The following NAV2 variants were observed in gnomAD, a reference collection of about 807,000 sequenced individuals.
NAV2 encodes helicase, APC down-regulated 1.
In NAV2, 54 loss-of-function variants were observed where a neutral mutation model predicts 223.2. That is an observed-to-expected ratio of 0.24 (90% CI 0.19 to 0.30). The LOEUF (loss-of-function observed/expected upper bound fraction) is 0.30. Among genes scored for constraint, NAV2 ranks in the 10% least tolerant of loss-of-function variants. The pLI is 1.00. For synonymous variants in NAV2, 1,279 were observed against 1,239.3 expected, an observed-to-expected ratio of 1.03 and a Z score of -0.67; for missense variants, 2,806 against 3,147.5, an observed-to-expected ratio of 0.89 and a Z score of 2.60.
chr11:20,090,750 C>A, intron 26 of NAV2, 115 bp from the exon 27 acceptor site: 1 of 1,067,014 alleles, frequency 9.4e-7, no homozygotes. Flanking sequence ...CAGGAAGCAC[C>A]AGGCAGCTGG....
At chr11:20,032,529 C>A (rs1243264043) in intron 11 of NAV2, among the ~76,000 whole-genome samples, 18 of 152,252 alleles carry the variant, frequency 1.2e-4, no homozygotes, top group Non-Finnish European at 4.4e-5. Context: ...GGTCCTCTCC[C>A]ACCATTCCCC....
intron 1 of NAV2, among the ~76,000 whole-genome samples, chr11:19,424,415 G>T (rs1850741712): frequency 6.6e-6 from 1 of 152,210 alleles, no homozygotes; most frequent in South Asian, 2.1e-4. Flanking sequence ...GCCAAGAGAA[G>T]AGCACTATGT....
intron 1 of NAV2, among the ~76,000 whole-genome samples, chr11:19,745,217 C>T (rs1293688102): frequency 6.6e-6 from 1 of 152,164 alleles, no homozygotes; most frequent in East Asian, 1.9e-4. Flanking sequence ...CCCCTTTCCG[C>T]CTGTCATGGT....
intron 1 of NAV2, among the ~76,000 whole-genome samples, chr11:19,670,919 C>A (rs532457824): frequency 6.6e-6 from 1 of 152,230 alleles, no homozygotes; most frequent in East Asian, 1.9e-4. Flanking sequence ...GGAATGCCAG[C>A]GCAGCTAAGG....
At chr11:19,708,266 G>A (rs1349545858), upstream of NAV2, among the ~76,000 whole-genome samples, 1 of 152,172 alleles carries the variant, frequency 6.6e-6, no homozygotes, top group Non-Finnish European at 1.5e-5. Context: ...TAAAAGGTGA[G>A]CCTTTGTGCC....
chr11:19,591,151 A>C (rs185097501), intron 1 of NAV2: 1 of 152,448 alleles, frequency 6.6e-6, no homozygotes, highest in East Asian at 1.9e-4. Context: ...TCGTGACCTT[A>C]GCAGAAATGT....
intron 26 of NAV2, among the ~76,000 whole-genome samples, chr11:20,089,768 G>T (rs759490995): frequency 1.3e-4 from 19 of 151,990 alleles, no homozygotes; most frequent in Non-Finnish European, 2.5e-4. Flanking sequence ...AATTCATCAC[G>T]ACTTGTATGA....
At chr11:19,733,825 C>T (rs1045712250) in intron 1 of NAV2, among the ~76,000 whole-genome samples, 2 of 152,090 alleles carry the variant, frequency 1.3e-5, no homozygotes, top group African/African-American at 4.8e-5. Context: ...GGTACTGCTA[C>T]TGATGATGGT....
At chr11:19,828,350 C>T (rs73435658) in intron 1 of NAV2, among the ~76,000 whole-genome samples, 12,118 of 151,922 alleles carry the variant, frequency 0.08, 1,103 homozygotes, top group African/African-American at 0.24. Context: ...CTTCCCTTTC[C>T]TCCCTCTGCC....
chr11:20,075,076 G>A (rs192745128), intron 22 of NAV2, among the ~76,000 whole-genome samples: 1 of 152,190 alleles, frequency 6.6e-6, no homozygotes, highest in East Asian at 1.9e-4. Flanking sequence ...AAACATCCAG[G>A]CCCTGGCCTG....
At chr11:19,453,638 G>C (rs1851862374) in intron 1 of NAV2, among the ~76,000 whole-genome samples, 2 of 152,110 alleles carry the variant, frequency 1.3e-5, no homozygotes, top group African/African-American at 4.8e-5. Flanking sequence ...GAACCTGCAG[G>C]GGCTTGGAGA....
At chr11:19,457,747 C>A (rs1283365121) in intron 1 of NAV2, among the ~76,000 whole-genome samples, 1 of 152,094 alleles carries the variant, frequency 6.6e-6, no homozygotes, top group Non-Finnish European at 1.5e-5. Flanking sequence ...GAAAAGGAGA[C>A]AGATTTTGTA....
At chr11:19,797,720 C>G (rs1590601986) in intron 1 of NAV2, among the ~76,000 whole-genome samples, 1 of 152,218 alleles carries the variant, frequency 6.6e-6, no homozygotes, top group East Asian at 1.9e-4. Flanking sequence ...GCTTTGAATC[C>G]CTACTCTGCC....
chr11:19,884,242 A>G (rs2063394225), intron 5 of NAV2: 2 of 1,338,004 alleles, frequency 1.5e-6, no homozygotes, highest in Non-Finnish European at 2.1e-6. Context: ...TGTCTAATGT[A>G]TCTTCTCTCT....
At chr11:19,819,034 C>T (rs1050029016) in intron 1 of NAV2, among the ~76,000 whole-genome samples, 6 of 152,190 alleles carry the variant, frequency 3.9e-5, no homozygotes, top group African/African-American at 1.2e-4. Context: ...TCCCTTCCTC[C>T]ATCCATTTTT....
chr11:20,111,772 G>A (rs534676017), intron 36 of NAV2, among the ~76,000 whole-genome samples: 1 of 152,316 alleles, frequency 6.6e-6, no homozygotes, highest in East Asian at 1.9e-4. Flanking sequence ...TTGGCCTTGG[G>A]TTCTCCATCT....
chr11:19,783,545 G>A (rs905321097), intron 1 of NAV2, among the ~76,000 whole-genome samples: 3 of 152,032 alleles, frequency 2.0e-5, no homozygotes, highest in Admixed American at 6.6e-5. Context: ...ATGAACCCTC[G>A]TCTGATTCTC....
chr11:19,546,764 T>G (rs2044511978), intron 1 of NAV2, among the ~76,000 whole-genome samples: 1 of 152,204 alleles, frequency 6.6e-6, no homozygotes, highest in South Asian at 2.1e-4. Context: ...ACTTTCCACT[T>G]TTCTCCTTTT....
upstream of NAV2, chr11:19,712,235 A>T (rs2049919087): frequency 6.6e-6 from 1 of 152,098 alleles, no homozygotes; most frequent in Non-Finnish European, 1.5e-5. Flanking sequence ...TGCGTGGAGG[A>T]GCTGTCTCGG....
Sources: allele counts gnomAD v4.1 joint callset (sites outside exome capture counted in the v4.1 genomes callset), GRCh38; gene constraint gnomAD v4.1.1; transcripts MANE v1.5; gene names NCBI Gene and HGNC (gene_info 2026-07-23, HGNC 2026-07-21).